Variants in ATL2 observed in about 807,000 individuals in gnomAD.
ATL2 encodes the protein atlastin GTPase 2.
Under a neutral mutation model 73.9 loss-of-function variants are expected in ATL2, and 31 were observed. The observed-to-expected ratio is 0.42, with a 90% CI of 0.32 to 0.57. ATL2 has a LOEUF of 0.57. Ranked by LOEUF, ATL2 falls within the 20% of genes least tolerant of loss-of-function variation. ATL2 has a pLI of 0.14. For synonymous variants in ATL2, 291 were observed against 237.5 expected, an observed-to-expected ratio of 1.23 and a Z score of -2.07; for missense variants, 738 against 702.6, an observed-to-expected ratio of 1.05 and a Z score of -0.57.
chr2:38,297,020 G>C (rs901048902), intron 12 of ATL2, among the ~76,000 whole-genome samples: 1 of 152,072 alleles, frequency 6.6e-6, no homozygotes, highest in Non-Finnish European at 1.5e-5. Flanking sequence ...TCTTCTATTA[G>C]AAGATATCAA....
At chr2:38,362,050 A>T (rs1445884350) in intron 1 of ATL2, among the ~76,000 whole-genome samples, 1 of 152,224 alleles carries the variant, frequency 6.6e-6, no homozygotes, top group Non-Finnish European at 1.5e-5. Flanking sequence ...AGGAGACTCA[A>T]ATCAGTCCAC....
chr2:38,365,134 T>TACACACACACACACAC lies in ATL2; in HGVS notation c.118+11993_118+12008dup, dbSNP rs541325892. ...GGATAGCCAGTTAGCAAGGGAATCA[T>TACACACACACACACAC]ACACACACACACACACACACACACA... is the stretch of plus-strand genomic sequence containing the variant. On this transcript the variant is annotated intron_variant, in intron 1 of 12. Transcript: ENST00000378954. 6.8e-3 allele frequency among the ~76,000 whole-genome samples: 897 copies of TACACACACACACACAC among 132,678 alleles called. 7 individuals are homozygous for TACACACACACACACAC. Among genetic ancestry groups the TACACACACACACACAC allele is most frequent in the East Asian group, 0.036 (156 of 4,364 alleles). 87.0% of individuals were successfully genotyped at this position (132,678 alleles called of 152,430 possible).
At chr2:38,373,556 T>A (rs1285960389) in intron 1 of ATL2, among the ~76,000 whole-genome samples, 1 of 152,194 alleles carries the variant, frequency 6.6e-6, no homozygotes, top group Non-Finnish European at 1.5e-5. Context: ...ACTTAAAAGT[T>A]GTTTCTAGTA....
intron 4 of ATL2, 78 bp from the exon 5 acceptor site, chr2:38,315,412 G>GA: frequency 1.4e-6 from 2 of 1,408,716 alleles, no homozygotes; most frequent in Non-Finnish European, 1.9e-6. Flanking sequence ...TTTACTTGTG[G>GA]AAAAAAGGTT....
intron 1 of ATL2, among the ~76,000 whole-genome samples, chr2:38,364,355 G>A (rs1470268241): frequency 6.6e-6 from 1 of 152,212 alleles, no homozygotes; most frequent in Non-Finnish European, 1.5e-5. Context: ...TCAGAGCAGA[G>A]GAGAGAGAGT....
chr2:38,304,630 C>T (rs1021165288), intron 9 of ATL2, among the ~76,000 whole-genome samples: 5 of 152,034 alleles, frequency 3.3e-5, no homozygotes, highest in African/African-American at 7.2e-5. Flanking sequence ...ATAGAAACAA[C>T]GAAAAGTTTA....
At chr2:38,364,687 C>T (rs73931212) in intron 1 of ATL2, among the ~76,000 whole-genome samples, 18,296 of 152,198 alleles carry the variant, frequency 0.12, 3,238 homozygotes, top group African/African-American at 0.39. Flanking sequence ...AAGAATTAAT[C>T]GAAAACACAG....
chr2:38,339,578 C>A (rs755634051), intron 2 of ATL2, among the ~76,000 whole-genome samples: 4 of 151,730 alleles, frequency 2.6e-5, no homozygotes, highest in Non-Finnish European at 2.9e-5. Context: ...ATGAAAAAAA[C>A]ACTTCTAAAA....
chr2:38,343,781 C>T lies in ATL2; in HGVS notation c.119-269G>A, dbSNP rs565060052. Among the ~76,000 whole-genome samples the T allele has an allele frequency of 3.3e-5, 5 of 152,134 alleles. No homozygotes were observed. In the East Asian group the frequency reaches 9.7e-4, roughly 29 times the overall value. On this transcript the variant is annotated intron_variant, in intron 1 of 12. Coordinates refer to ENST00000378954, the MANE Select transcript of ATL2 (RefSeq NM_001135673.4). ...AATTTCCACATGTTGTGGGAAGGAC[C>T]CAGTGGGAGGTAACTGAATCATGGG...
chr2:38,332,188 G>A (rs1385887942), intron 2 of ATL2, among the ~76,000 whole-genome samples: 1 of 152,082 alleles, frequency 6.6e-6, no homozygotes, highest in African/African-American at 2.4e-5. Context: ...GGCTGTCACA[G>A]GGATTCATTT....
intron 2 of ATL2, among the ~76,000 whole-genome samples, chr2:38,339,764 C>T (rs535588359): frequency 6.6e-6 from 1 of 152,242 alleles, no homozygotes; most frequent in Non-Finnish European, 1.5e-5. Context: ...AATCTCGGCT[C>T]ACTGCAACCT....
At chr2:38,353,496 G>C (rs971039785) in intron 1 of ATL2, among the ~76,000 whole-genome samples, 5 of 152,158 alleles carry the variant, frequency 3.3e-5, no homozygotes, top group African/African-American at 1.2e-4. Flanking sequence ...CCCAGAAGGA[G>C]AACAAAGTGA....
At chr2:38,296,712 G>GA (rs772564925) in intron 12 of ATL2, 24 of 1,552,796 alleles carry the variant, frequency 1.5e-5, no homozygotes, top group Non-Finnish European at 2.1e-5. Context: ...TGAAGCAAAA[G>GA]AAAAGAGAAA....
At chr2:38,312,507 A>G (rs1667810753) in intron 7 of ATL2, among the ~76,000 whole-genome samples, 1 of 152,000 alleles carries the variant, frequency 6.6e-6, no homozygotes, top group Non-Finnish European at 1.5e-5. Flanking sequence ...TCAGGAGTTC[A>G]AGACCAGCCT....
chr2:38,376,995 T>G (rs1246122084), intron 1 of ATL2, 148 bp downstream of exon 1: 1 of 556,028 alleles, frequency 1.8e-6, no homozygotes, highest in East Asian at 3.9e-5. Context: ...CGGCTGAGGC[T>G]AGGCCCGGCG....
At chr2:38,327,211 TAAAGAG>T (rs1160990998) in intron 2 of ATL2, among the ~76,000 whole-genome samples, 1 of 151,950 alleles carries the variant, frequency 6.6e-6, no homozygotes, top group East Asian at 1.9e-4. Context: ...CAAATCTACA[TAAAGAG>T]AAAGAGTATC....
In ATL2 at chr2:38,348,761, G is replaced by A. The variant is rs375270857; in HGVS notation, c.119-5249C>T. Reference sequence around the variant, plus strand: ...ACCTACAAAATGGGAGAAAATTTTCGCAACCTACTCATCTGACAAAGGGCT... The same window carrying A: ...ACCTACAAAATGGGAGAAAATTTTCACAACCTACTCATCTGACAAAGGGCT... On this transcript the variant is annotated intron_variant, in intron 1 of 12. Coordinates refer to ENST00000378954, the MANE Select transcript of ATL2 (RefSeq NM_001135673.4). Among the ~76,000 whole-genome samples, 177 of 151,576 alleles carry A rather than the reference G, an allele frequency of 1.2e-3. 2 individuals are homozygous for A. The East Asian group carries it at 0.028, about 24-fold the overall frequency.
intron 2 of ATL2, among the ~76,000 whole-genome samples, chr2:38,328,988 T>C (rs1269320292): frequency 6.6e-6 from 1 of 151,858 alleles, no homozygotes; most frequent in Non-Finnish European, 1.5e-5. Flanking sequence ...TCTTCATTAC[T>C]AATTCCTTGA....
At chr2:38,357,058 G>A (rs557269505) in intron 1 of ATL2, among the ~76,000 whole-genome samples, 26 of 152,196 alleles carry the variant, frequency 1.7e-4, no homozygotes, top group South Asian at 8.3e-4. Context: ...GGCTGGGTGC[G>A]GTGGCTCACA....
Sources: allele counts gnomAD v4.1 joint callset (sites outside exome capture counted in the v4.1 genomes callset), GRCh38; gene constraint gnomAD v4.1.1; transcripts MANE v1.5; gene names NCBI Gene and HGNC (gene_info 2026-07-23, HGNC 2026-07-21).